Variants in NR5A2 observed in about 807,000 individuals in gnomAD.
NR5A2 encodes the protein CYP7A promoter-binding factor.
Under a neutral mutation model 62.7 loss-of-function variants are expected in NR5A2, and 26 were observed. The ratio of observed to expected loss-of-function variants is 0.41; its 90% CI spans 0.30 to 0.58. The LOEUF is 0.58. Among genes scored for constraint, NR5A2 ranks in the 20% least tolerant of loss-of-function variants. NR5A2 has a pLI of 0.22. For synonymous variants in NR5A2, 246 were observed against 241.7 expected (o/e 1.02, Z -0.16); for missense variants, 541 against 669.1 (o/e 0.81, Z 2.11).
intron 5 of NR5A2, among the ~76,000 whole-genome samples, chr1:200,070,966 A>G (rs1663716652): frequency 6.6e-6 from 1 of 152,186 alleles, no homozygotes; most frequent in South Asian, 2.1e-4. Flanking sequence ...AATACTTTAT[A>G]AGAGAGAGTA....
At chr1:200,054,901 ACTT>A (rs1217343367) in intron 5 of NR5A2, among the ~76,000 whole-genome samples, 1 of 148,826 alleles carries the variant, frequency 6.7e-6, no homozygotes, top group Admixed American at 6.7e-5. Flanking sequence ...ACTTAGTCCT[ACTT>A]TTTTTTTTTT....
Position 200,173,935 on chromosome 1 carries a change from G to C in NR5A2, c.1379-28G>C, listed in dbSNP as rs369080032. ...GGAATTGAAATGCTATTGAAATGTTGCTTTTTTTTTTTTTTTTTTTAATGC... is the reference window on the plus strand; with the variant it reads ...GGAATTGAAATGCTATTGAAATGTTCCTTTTTTTTTTTTTTTTTTTAATGC... On this transcript the variant is annotated intron_variant, in intron 7 of 7. Transcript: ENST00000367362. 2.4e-4 allele frequency: 257 copies of C among 1,072,916 alleles called. 1 individual carries two copies. In the African/African-American group the frequency reaches 4.9e-3, roughly 20 times the overall value. The allele number at this position is 1,072,916 out of a possible 1,614,324, so 66.5% of individuals were successfully genotyped here.
chr1:200,142,448 G>A (rs1433470899), intron 7 of NR5A2, among the ~76,000 whole-genome samples: 2 of 151,698 alleles, frequency 1.3e-5, no homozygotes, highest in African/African-American at 2.4e-5. Context: ...TACCCGCCTC[G>A]GCCTCCCAAA....
intron 5 of NR5A2, among the ~76,000 whole-genome samples, chr1:200,087,738 AT>A (rs1023704905): frequency 2.7e-5 from 4 of 150,740 alleles, no homozygotes; most frequent in East Asian, 3.9e-4. Context: ...GTCACATTTT[AT>A]TTTTTTTATT....
chr1:200,154,615 A>G (rs1653291383), intron 7 of NR5A2, among the ~76,000 whole-genome samples: 1 of 152,242 alleles, frequency 6.6e-6, no homozygotes, highest in Non-Finnish European at 1.5e-5. Flanking sequence ...GCTACTGCAG[A>G]GGCTGAGGCA....
chr1:200,172,844 T>C (rs922564309), intron 7 of NR5A2, among the ~76,000 whole-genome samples: 2 of 152,324 alleles, frequency 1.3e-5, no homozygotes, highest in East Asian at 3.9e-4. Context: ...TGTGTGGTTT[T>C]CTCCATATTC....
chr1:200,119,405 T>C (rs561427699), intron 6 of NR5A2, among the ~76,000 whole-genome samples: 109 of 152,186 alleles, frequency 7.2e-4, no homozygotes, highest in Non-Finnish European at 1.3e-3. Flanking sequence ...CCCAGACAAA[T>C]TTGCTGCTGC....
Position 200,128,085 on chromosome 1 carries a change from C to T in NR5A2, c.1378+7130C>T, listed in dbSNP as rs182618488. ...CTTAATTCACTCAGTTTCTAAATAC[C>T]GTCATCCCTCAGTATATGCAGGGAA... On this transcript the variant is annotated intron_variant, in intron 7 of 7. Transcript: ENST00000367362. Among the ~76,000 whole-genome samples, 809 of 151,962 alleles carry T rather than the reference C, an allele frequency of 5.3e-3. 3 individuals carry two copies. The highest frequency in any genetic ancestry group is 0.019 in the African/African-American group (771 of 41,440).
At chr1:200,125,186 G>T (rs1666650008) in intron 7 of NR5A2, among the ~76,000 whole-genome samples, 4 of 152,192 alleles carry the variant, frequency 2.6e-5, no homozygotes, top group Admixed American at 6.5e-5. Flanking sequence ...GAATATTACT[G>T]ACTAAAACCA....
intron 1 of NR5A2, among the ~76,000 whole-genome samples, chr1:200,034,988 T>C (rs1297679000): frequency 2.0e-5 from 3 of 151,968 alleles, no homozygotes; most frequent in Non-Finnish European, 4.4e-5. Context: ...AGCCCAGCCC[T>C]CTGAGCCAGG....
intron 5 of NR5A2, among the ~76,000 whole-genome samples, chr1:200,099,703 C>T (rs972813240): frequency 1.3e-5 from 2 of 152,162 alleles, no homozygotes; most frequent in African/African-American, 4.8e-5. Context: ...AAGTGATTCT[C>T]CTGCCTCAGC....
chr1:200,124,219 G>A (rs1326984309), intron 7 of NR5A2, among the ~76,000 whole-genome samples: 1 of 152,164 alleles, frequency 6.6e-6, no homozygotes, highest in Non-Finnish European at 1.5e-5. Context: ...GGGTGTGTTT[G>A]GGGCTTCTGG....
chr1:200,127,923 G>A (rs1666800787), intron 7 of NR5A2, among the ~76,000 whole-genome samples: 1 of 150,448 alleles, frequency 6.6e-6, no homozygotes, highest in Non-Finnish European at 1.5e-5. Context: ...ATTTATTAAG[G>A]CAAAATGATA....
intron 5 of NR5A2, chr1:200,054,011 TG>T (rs1662793003): frequency 1.3e-5 from 2 of 152,202 alleles, no homozygotes; most frequent in South Asian, 4.1e-4. Context: ...ATGTTCAGTA[TG>T]GGTTTCTTGT....
Position 200,147,832 on chromosome 1 carries a change from C to T in NR5A2, c.1379-26131C>T. The T allele has an allele frequency of 2.1e-6, 1 of 468,156 alleles. No homozygotes were observed. 29.0% of individuals were successfully genotyped at this position (468,156 alleles called of 1,614,324 possible). A position where few individuals can be genotyped will look rare whatever the true frequency, so the allele number is the denominator to read the frequency against. On this transcript the variant is annotated intron_variant, in intron 7 of 7. Coordinates refer to ENST00000367362, the MANE Select transcript of NR5A2 (RefSeq NM_205860.3). This position sits in a 1 kb window ranked among gnomAD's most constrained non-coding sequence, Gnocchi z 4.9. The stretch of plus-strand genomic sequence containing the variant: ...GTCCAGCACCAGGTCCTGGCTGCAG[C>T]CATTGGTGAGCAGTATGGCCACCTG...
rs866137851 is a variant in NR5A2, at chr1:200,039,720, C to T, written c.127C>T (p.Pro43Ser). ...CGCCCGCGGTCGCCTTGTCATGCTG[C>T]CCAAAGTGGAGACGGAAGCCCTGGG... The part of the protein sequence containing the change: ...IPARGRLVML[P>S]KVETEALGLA... The change falls in exon 2 of 8, where the codon CCC becomes TCC. Residue 43 changes from proline (P) to serine (S), a missense_variant. Transcript: ENST00000367362. The surrounding 1 kb of genome is among the most constrained non-coding windows in gnomAD (Gnocchi z 5.1). The T allele has an allele frequency of 3.7e-6, 6 of 1,612,174 alleles. No homozygotes were observed. Among genetic ancestry groups the T allele is most frequent in the Non-Finnish European group, 5.1e-6 (6 of 1,179,232 alleles).
chr1:200,089,119 C>T (rs1388086807), intron 5 of NR5A2, among the ~76,000 whole-genome samples: 1 of 152,232 alleles, frequency 6.6e-6, no homozygotes, highest in Non-Finnish European at 1.5e-5. Context: ...CTCTCGCAAA[C>T]TCCACAGCAG....
intron 7 of NR5A2, among the ~76,000 whole-genome samples, chr1:200,149,038 G>C (rs551540143): frequency 6.6e-6 from 1 of 151,374 alleles, no homozygotes; most frequent in South Asian, 2.1e-4. Flanking sequence ...TCGACCTCCC[G>C]AGTAGCTGGG....
At chr1:200,159,596 T>C (rs960831921) in intron 7 of NR5A2, among the ~76,000 whole-genome samples, 4 of 152,136 alleles carry the variant, frequency 2.6e-5, no homozygotes, top group African/African-American at 7.2e-5. Flanking sequence ...GATTGTTGAA[T>C]GCTTTCGTTC....
Sources: gnomAD v4.1 joint callset for allele counts (sites outside exome capture counted in the v4.1 genomes callset) on GRCh38, gnomAD v4.1.1 for gene constraint, Gnocchi (gnomAD v3.1) non-coding constraint, MANE v1.5 for transcripts, NCBI Gene and HGNC (gene_info 2026-07-23, HGNC 2026-07-21) for gene names.